Variants in PSPC1 observed in about 807,000 individuals in gnomAD.
PSPC1 encodes paraspeckle component 1.
A neutral mutation model predicts 51.6 loss-of-function variants in PSPC1; 14 were observed. That is an observed-to-expected ratio of 0.27 (90% CI 0.18 to 0.42). PSPC1 has a LOEUF of 0.42. PSPC1 is among the 10% of genes least tolerant of loss of function. The probability of loss-of-function intolerance (pLI) is 1.00; values close to 1 mark genes in which losing one functional copy is unlikely to be tolerated. For missense variants in PSPC1, 406 were observed against 701.1 expected (o/e 0.58, Z 4.75); for synonymous variants, 193 against 231.9 (o/e 0.83, Z 1.53).
intron 6 of PSPC1, among the ~76,000 whole-genome samples, chr13:19,718,596 C>T (rs35583851): frequency 0.1 from 15,102 of 151,754 alleles, 705 homozygotes; most frequent in African/African-American, 0.16. Context: ...ATTAAACATA[C>T]TCTTACCATC....
intron 6 of PSPC1, among the ~76,000 whole-genome samples, chr13:19,696,861 C>T (rs774789984): frequency 1.2e-4 from 18 of 152,350 alleles, no homozygotes; most frequent in Non-Finnish European, 1.9e-4. Flanking sequence ...CTTCAAAGTA[C>T]ACTTCTCCAC....
chr13:19,701,172 T>C (rs1405341025), downstream of PSPC1, among the ~76,000 whole-genome samples: 2 of 151,502 alleles, frequency 1.3e-5, no homozygotes, highest in Non-Finnish European at 2.9e-5. Flanking sequence ...GGCCTTCGAG[T>C]GTTCTTGAAT....
intron 6 of PSPC1, among the ~76,000 whole-genome samples, chr13:19,726,376 G>C (rs1474997640): frequency 6.6e-6 from 1 of 152,064 alleles, no homozygotes; most frequent in East Asian, 1.9e-4. Context: ...ATATCTCCTG[G>C]TACCAACCTA....
chr13:19,709,709 A>T lies in PSPC1; in HGVS notation c.1159-110T>A, dbSNP rs745958840. On this transcript the variant is annotated intron_variant, in intron 6 of 8. Coordinates refer to ENST00000338910, the MANE Select transcript of PSPC1 (RefSeq NM_001354909.2). ...ATTGGGACATCATTTTTCATTAAAA[A>T]TTTTGAAAAGTTTCCATCATCATAA... is the stretch of plus-strand genomic sequence containing the variant. 1.2e-5 allele frequency: 13 copies of T among 1,067,190 alleles called. No homozygotes were observed. In the Admixed American group the frequency reaches 3.3e-4, roughly 27 times the overall value. 66.1% of individuals were successfully genotyped at this position (1,067,190 alleles called of 1,614,324 possible).
intron 6 of PSPC1, among the ~76,000 whole-genome samples, chr13:19,727,180 G>C (rs1325101234): frequency 6.6e-6 from 1 of 152,168 alleles, no homozygotes; most frequent in Non-Finnish European, 1.5e-5. Context: ...GATCACCTGA[G>C]GTCAGGAGTT....
chr13:19,719,815 T>C (rs1188038249), intron 6 of PSPC1, among the ~76,000 whole-genome samples: 1 of 149,232 alleles, frequency 6.7e-6, no homozygotes, highest in Non-Finnish European at 1.5e-5. Flanking sequence ...GAAATAAGTA[T>C]TTTACATAAA....
intron 6 of PSPC1, among the ~76,000 whole-genome samples, chr13:19,689,053 A>G (rs541791785): frequency 2.0e-5 from 3 of 152,336 alleles, no homozygotes; most frequent in African/African-American, 7.2e-5. Flanking sequence ...CCAAAGGAAA[A>G]TAACTATTAA....
chr13:19,706,467 A>C (rs1880682296), intron 7 of PSPC1, among the ~76,000 whole-genome samples: 1 of 152,116 alleles, frequency 6.6e-6, no homozygotes, highest in Non-Finnish European at 1.5e-5. Context: ...CTTATTTTTA[A>C]AAGCAACCGC....
Position 19,735,319 on chromosome 13 carries a change from A to T in PSPC1, c.1053-4975T>A, listed in dbSNP as rs554298034. Among the ~76,000 whole-genome samples the T allele has an allele frequency of 7.2e-5, 11 of 152,302 alleles. No individual in the cohort carries two copies. The South Asian group carries it at 2.3e-3, about 32-fold the overall frequency. On this transcript the variant is annotated intron_variant, in intron 5 of 8. Coordinates refer to ENST00000338910, the MANE Select transcript of PSPC1 (RefSeq NM_001354909.2). ...AGAACGAAACTCTGTCTCAAAAAACAAACCAAAGAAACGAAGTGGGTAGGT... is the reference window on the plus strand; with the variant it reads ...AGAACGAAACTCTGTCTCAAAAAACTAACCAAAGAAACGAAGTGGGTAGGT...
chr13:19,688,058 C>G (rs1878129075), intron 6 of PSPC1, among the ~76,000 whole-genome samples: 1 of 152,034 alleles, frequency 6.6e-6, no homozygotes, highest in South Asian at 2.1e-4. Context: ...ATTTCTACCT[C>G]CCCAAATCTC....
chr13:19,740,403 T>TA (rs1409541769), intron 5 of PSPC1, among the ~76,000 whole-genome samples: 1 of 152,082 alleles, frequency 6.6e-6, no homozygotes, highest in East Asian at 1.9e-4. Context: ...TATAAATTGA[T>TA]AAACTCAGGT....
intron 6 of PSPC1, among the ~76,000 whole-genome samples, chr13:19,726,398 TCAAA>T (rs1425744574): frequency 1.3e-5 from 2 of 152,228 alleles, no homozygotes; most frequent in African/African-American, 2.4e-5. Context: ...ACACACTGAA[TCAAA>T]ATACTTGGAG....
At chr13:19,674,298 A>G (rs889470034), downstream of PSPC1, among the ~76,000 whole-genome samples, 1 of 152,208 alleles carries the variant, frequency 6.6e-6, no homozygotes, top group Non-Finnish European at 1.5e-5. Context: ...AATAACTACA[A>G]TTAGATATGA....
intron 1 of PSPC1, among the ~76,000 whole-genome samples, chr13:19,778,383 C>A (rs1889435339): frequency 2.2e-5 from 2 of 90,796 alleles, no homozygotes; most frequent in Admixed American, 2.4e-4. Context: ...CCCTCCCCCT[C>A]CCCCTCCCCC....
chr13:19,674,431 C>CTAT (rs1412529947), downstream of PSPC1, among the ~76,000 whole-genome samples: 5 of 152,188 alleles, frequency 3.3e-5, no homozygotes, highest in African/African-American at 4.8e-5. Flanking sequence ...TCAGGAGAGT[C>CTAT]TATTTGAAGC....
intron 5 of PSPC1, among the ~76,000 whole-genome samples, chr13:19,735,228 C>A (rs1343973134): frequency 6.6e-6 from 1 of 152,042 alleles, no homozygotes; most frequent in Non-Finnish European, 1.5e-5. Context: ...AGGAGAATCA[C>A]TTGAACCGAA....
At chr13:19,722,203 G>C (rs1337098868) in intron 6 of PSPC1, among the ~76,000 whole-genome samples, 1 of 152,080 alleles carries the variant, frequency 6.6e-6, no homozygotes, top group Non-Finnish European at 1.5e-5. Flanking sequence ...AAACTATATT[G>C]AACATAAAAA....
chr13:19,731,227 T>C (rs1230434692), intron 5 of PSPC1, among the ~76,000 whole-genome samples: 4 of 152,164 alleles, frequency 2.6e-5, no homozygotes, highest in Admixed American at 2.6e-4. Flanking sequence ...AACATTTACA[T>C]TACTGTCTAT....
intron 2 of PSPC1, among the ~76,000 whole-genome samples, chr13:19,767,071 G>A (rs1421121537): frequency 6.6e-6 from 1 of 151,918 alleles, no homozygotes; most frequent in Non-Finnish European, 1.5e-5. Flanking sequence ...CACTCTAGGA[G>A]GCTGAGGCAG....
Sources: gnomAD v4.1 joint callset for allele counts (sites outside exome capture counted in the v4.1 genomes callset) on GRCh38, gnomAD v4.1.1 for gene constraint, MANE v1.5 for transcripts, NCBI Gene and HGNC (gene_info 2026-07-23, HGNC 2026-07-21) for gene names.